The following LYRM4 variants were observed in gnomAD, a reference collection of about 807,000 sequenced individuals.
LYRM4 encodes the protein LYR motif-containing protein 4.
LYRM4 carries 9 observed loss-of-function variants against 11.7 expected under a neutral mutation model. That is an observed-to-expected ratio of 0.77 (90% CI 0.46 to 1.34). The LOEUF is 1.34. Among genes scored for constraint, LYRM4 ranks in the 40% most tolerant of loss-of-function variants. The pLI, the probability that LYRM4 is intolerant of heterozygous loss-of-function variation, is 0.00. For missense variants in LYRM4, 133 were observed against 112.5 expected (o/e 1.18, Z -0.82); for synonymous variants, 42 against 40.4 (o/e 1.04, Z -0.15).
chr6:5,208,382 G>T (rs1401337391), intron 2 of LYRM4, among the ~76,000 whole-genome samples: 1 of 152,202 alleles, frequency 6.6e-6, no homozygotes, highest in Non-Finnish European at 1.5e-5. Context: ...CATCAAAACA[G>T]TTCTTTAAGG....
intron 1 of LYRM4, among the ~76,000 whole-genome samples, chr6:5,242,793 G>T (rs1380679206): frequency 1.4e-5 from 2 of 144,532 alleles, no homozygotes; most frequent in African/African-American, 5.2e-5. Flanking sequence ...TTGAGACGGA[G>T]TCTCGCTCTG....
At chr6:5,242,177 A>G (rs1016709895) in intron 1 of LYRM4, among the ~76,000 whole-genome samples, 1 of 150,346 alleles carries the variant, frequency 6.7e-6, no homozygotes, top group African/African-American at 2.5e-5. Context: ...GGTTCAAGCG[A>G]TTCTCCTGCC....
intron 1 of LYRM4, among the ~76,000 whole-genome samples, chr6:5,260,143 A>C (rs185747047): frequency 1.4e-4 from 21 of 152,306 alleles, no homozygotes; most frequent in Non-Finnish European, 2.8e-4. Context: ...CATACCCTAA[A>C]TAGAATGGAT....
Position 5,248,607 on chromosome 6 carries a change from C to T in LYRM4, c.86+12041G>A, listed in dbSNP as rs545074076. Among the ~76,000 whole-genome samples the T allele has an allele frequency of 2.0e-5, 3 of 152,364 alleles. No individual in the cohort carries two copies. In the East Asian group the frequency reaches 5.8e-4, roughly 29 times the overall value. On this transcript the variant is annotated intron_variant, in intron 1 of 2. Transcript: ENST00000330636. ...AACTACACTGTTTGTTTCTCATCTG[C>T]TCCTGCCTCCCTTCCCCAGCTAGTC...
chr6:5,165,564 A>G (rs1402553917), intron 2 of LYRM4, among the ~76,000 whole-genome samples: 5 of 149,982 alleles, frequency 3.3e-5, no homozygotes, highest in African/African-American at 1.2e-4. Context: ...TTTTTTTGAG[A>G]CAGAATCTCA....
chr6:5,109,542 G>C (rs373202922), intron 2 of LYRM4, 51 bp from the exon 3 acceptor site: 3 of 1,543,278 alleles, frequency 1.9e-6, no homozygotes, highest in Non-Finnish European at 1.8e-6. Context: ...TCTAGCCCCT[G>C]GGAAAGGCCA....
At chr6:5,242,911 C>A (rs1365839330) in intron 1 of LYRM4, among the ~76,000 whole-genome samples, 1 of 150,968 alleles carries the variant, frequency 6.6e-6, no homozygotes, top group Non-Finnish European at 1.5e-5. Flanking sequence ...GTAGCTGGGA[C>A]TACAGGCGCC....
At chr6:5,128,752 A>G (rs1402045466) in intron 2 of LYRM4, among the ~76,000 whole-genome samples, 1 of 152,170 alleles carries the variant, frequency 6.6e-6, no homozygotes, top group African/African-American at 2.4e-5. Flanking sequence ...GATATGAACT[A>G]CTACATGGGG....
chr6:5,231,568 A>C (rs1013897847), intron 1 of LYRM4, among the ~76,000 whole-genome samples: 6 of 152,206 alleles, frequency 3.9e-5, no homozygotes, highest in African/African-American at 1.2e-4. Context: ...GTGTCTACTA[A>C]AAAAATCTGG....
At chr6:5,204,776 A>C (rs1050353008) in intron 2 of LYRM4, among the ~76,000 whole-genome samples, 2 of 151,996 alleles carry the variant, frequency 1.3e-5, no homozygotes, top group Non-Finnish European at 2.9e-5. Flanking sequence ...GGCCAAATAA[A>C]CCTCTATCGA....
At chr6:5,105,986 C>G (rs1762653407), downstream of LYRM4, 1 of 152,328 alleles carries the variant, frequency 6.6e-6, no homozygotes, top group Admixed American at 6.5e-5. Context: ...ACCCTCTCCC[C>G]CAATTAAGGG....
chr6:5,192,757 G>T (rs941437869), intron 2 of LYRM4, among the ~76,000 whole-genome samples: 7 of 152,224 alleles, frequency 4.6e-5, no homozygotes, highest in African/African-American at 1.7e-4. Flanking sequence ...CTGGCGCGGT[G>T]GCCCGCGCCT....
chr6:5,244,491 G>T (rs190671885), intron 1 of LYRM4, among the ~76,000 whole-genome samples: 1 of 152,248 alleles, frequency 6.6e-6, no homozygotes, highest in African/African-American at 2.4e-5. Flanking sequence ...AAGATCTCAG[G>T]GGATGGGGAG....
the LYRM4 span, chr6:5,032,426 A>G: frequency 6.6e-6 from 1 of 152,262 alleles, no homozygotes; most frequent in East Asian, 1.9e-4. Flanking sequence ...AAATTAAAAG[A>G]TACAGTTTAA....
At chr6:5,225,685 G>T (rs1762847275) in intron 1 of LYRM4, among the ~76,000 whole-genome samples, 1 of 152,184 alleles carries the variant, frequency 6.6e-6, no homozygotes, top group Non-Finnish European at 1.5e-5. Flanking sequence ...GCTTACAGTA[G>T]CATCACGTGC....
chr6:5,112,422 C>T (rs1295694897), intron 2 of LYRM4, among the ~76,000 whole-genome samples: 4 of 152,174 alleles, frequency 2.6e-5, no homozygotes, highest in East Asian at 3.9e-4. Context: ...ATGGCTCTGC[C>T]GCGAAGACAG....
At position 5,154,688 on chromosome 6, in the gene LYRM4, A is replaced by G. The variant is rs552699215; in HGVS notation, c.208-45197T>C. On this transcript the variant is annotated intron_variant, in intron 2 of 2. Coordinates refer to ENST00000330636, the MANE Select transcript of LYRM4 (RefSeq NM_020408.6). ...AAAAGAATTAGCCGGGCGTGGTGTC[A>G]CGCGCCTGTAGTCCCAGCTACTCGG... Among the ~76,000 whole-genome samples the G allele has an allele frequency of 1.5e-3, 234 of 152,064 alleles. 3 individuals carry two copies. Among genetic ancestry groups the G allele is most frequent in the East Asian group, 7.2e-3 (37 of 5,152 alleles).
chr6:5,206,928 T>TA (rs1761732298), intron 2 of LYRM4, among the ~76,000 whole-genome samples: 1 of 152,102 alleles, frequency 6.6e-6, no homozygotes, highest in African/African-American at 2.4e-5. Flanking sequence ...CTAGGGAAGA[T>TA]ATACAATTTC....
At chr6:5,066,728 C>A in the LYRM4 span, 1 of 793,186 alleles carries the variant, frequency 1.3e-6, no homozygotes. Flanking sequence ...ATACGATTTG[C>A]GCCAGGGTCT....
Sources: gnomAD v4.1 joint callset for allele counts (sites outside exome capture counted in the v4.1 genomes callset) on GRCh38, gnomAD v4.1.1 for gene constraint, MANE v1.5 for transcripts, NCBI Gene and HGNC (gene_info 2026-07-23, HGNC 2026-07-21) for gene names.